Variants in SPAG17 observed in about 807,000 individuals in gnomAD.
SPAG17 encodes the protein sperm associated antigen 17, also known as sperm-associated antigen 17.
A neutral mutation model predicts 273.6 loss-of-function variants in SPAG17; 169 were observed. The observed-to-expected ratio is 0.62, with a 90% CI of 0.55 to 0.70. The LOEUF (loss-of-function observed/expected upper bound fraction) is 0.70. Among genes scored for constraint, SPAG17 ranks in the 30% least tolerant of loss-of-function variants. The probability of loss-of-function intolerance (pLI) is 0.00; values close to 1 mark genes in which losing one functional copy is unlikely to be tolerated. For missense variants in SPAG17, 2,557 were observed against 2,627.8 expected, an observed-to-expected ratio of 0.97 and a Z score of 0.59; for synonymous variants, 825 against 873.2, an observed-to-expected ratio of 0.94 and a Z score of 0.97.
intron 8 of SPAG17, 78 bp from the exon 9 acceptor site, chr1:118,092,080 G>A: frequency 2.7e-6 from 3 of 1,124,460 alleles, no homozygotes; most frequent in Non-Finnish European, 4.1e-6. Context: ...GGTATGATGA[G>A]ATCCAACAGG....
intron 28 of SPAG17, among the ~76,000 whole-genome samples, chr1:118,016,454 T>C (rs1057407312): frequency 6.6e-6 from 1 of 152,138 alleles, no homozygotes; most frequent in Non-Finnish European, 1.5e-5. Flanking sequence ...GCACAAAAAA[T>C]ATTCTGGTCA....
rs112285353 is a variant in SPAG17 at position 118,072,424 on chromosome 1, G to A, written c.2385+1430C>T. On this transcript the variant is annotated intron_variant, in intron 17 of 48. Transcript: ENST00000336338. ...AGGGAATGGGTGTGGCCCGGATGAC[G>A]GTAAAGGGAGGCCCAGGACCACAGC... 6.7e-3 allele frequency among the ~76,000 whole-genome samples: 1,013 copies of A among 152,226 alleles called. 10 individuals carry two copies. The highest frequency in any genetic ancestry group is 0.016 in the African/African-American group (663 of 41,530).
rs1356294277 is a variant in SPAG17 at position 118,093,230 on chromosome 1, C to T, written c.1099G>A (p.Glu367Lys). ...DWKRQHQHYL[E>K]SMQLINVPQV... ...GGAACATTAATAAGCTGCATGCTTT[C>T]CAAATAGTGCTGGTGCTGCCTTTTC... The change falls in exon 8 of 49, where the codon GAA (glutamate) becomes AAA (lysine). Residue 367 changes from glutamate to lysine, a missense_variant. Coordinates refer to ENST00000336338, the MANE Select transcript of SPAG17 (RefSeq NM_206996.4). 1 of 1,613,772 alleles carries T rather than the reference C, an allele frequency of 6.2e-7. No homozygotes were observed. Among genetic ancestry groups the T allele is most frequent in the Non-Finnish European group, 8.5e-7 (1 of 1,179,824 alleles).
intron 28 of SPAG17, among the ~76,000 whole-genome samples, chr1:118,016,954 G>A (rs900894376): frequency 6.6e-6 from 1 of 152,114 alleles, no homozygotes; most frequent in Non-Finnish European, 1.5e-5. Flanking sequence ...TCAATGATGA[G>A]GTAAACTCAG....
chr1:118,140,619 C>G (rs894283088), intron 3 of SPAG17, among the ~76,000 whole-genome samples: 1 of 152,140 alleles, frequency 6.6e-6, no homozygotes. Flanking sequence ...ACAAGGGCAC[C>G]GATCTGCCAA....
At chr1:117,995,062 C>T (rs1054143011) in intron 34 of SPAG17, among the ~76,000 whole-genome samples, 2 of 152,108 alleles carry the variant, frequency 1.3e-5, no homozygotes, top group South Asian at 2.1e-4. Flanking sequence ...TACTATTCTT[C>T]CCCTCTGTGC....
intron 32 of SPAG17, among the ~76,000 whole-genome samples, chr1:118,000,648 C>T (rs973457014): frequency 1.3e-5 from 2 of 152,146 alleles, no homozygotes; most frequent in Non-Finnish European, 2.9e-5. Context: ...TATAGGAATG[C>T]TTGTGATTTT....
chr1:118,009,211 TGAC>T (rs1659215372), intron 30 of SPAG17, among the ~76,000 whole-genome samples: 1 of 150,070 alleles, frequency 6.7e-6, no homozygotes, highest in African/African-American at 2.5e-5. Context: ...TATTGTATAA[TGAC>T]GATTTTCCAA....
intron 1 of SPAG17, among the ~76,000 whole-genome samples, chr1:118,179,139 C>T (rs1272543892): frequency 6.6e-6 from 1 of 151,818 alleles, no homozygotes; most frequent in African/African-American, 2.4e-5. Flanking sequence ...CCCAGGAGAA[C>T]CAAAGGATTC....
At chr1:118,154,774 T>C (rs1439388455) in intron 1 of SPAG17, among the ~76,000 whole-genome samples, 1 of 152,100 alleles carries the variant, frequency 6.6e-6, no homozygotes. Context: ...TAGACCATTG[T>C]GGGCAAATGA....
intron 4 of SPAG17, among the ~76,000 whole-genome samples, chr1:118,110,570 T>A (rs1656697393): frequency 6.6e-6 from 1 of 152,178 alleles, no homozygotes; most frequent in South Asian, 2.1e-4. Context: ...ACTGAGCCAT[T>A]TCTGCGTGGG....
chr1:117,968,192 A>G (rs1654092142), intron 46 of SPAG17, among the ~76,000 whole-genome samples: 1 of 152,220 alleles, frequency 6.6e-6, no homozygotes, highest in South Asian at 2.1e-4. Context: ...GGAAGTCTAC[A>G]GATTATATTT....
chr1:118,050,466 G>C (rs1311592625), intron 20 of SPAG17, among the ~76,000 whole-genome samples: 1 of 152,058 alleles, frequency 6.6e-6, no homozygotes, highest in Non-Finnish European at 1.5e-5. Flanking sequence ...TTCACCACTG[G>C]TAACAGTATC....
intron 15 of SPAG17, among the ~76,000 whole-genome samples, chr1:118,077,138 C>A (rs1038164565): frequency 2.0e-4 from 31 of 152,014 alleles, no homozygotes; most frequent in African/African-American, 7.5e-4. Flanking sequence ...TGATTTTTGC[C>A]TTGTTTAAAG....
chr1:118,039,480 T>C (rs749744905), intron 22 of SPAG17, 36 bp from the exon 23 acceptor site: 1 of 1,606,252 alleles, frequency 6.2e-7, no homozygotes, highest in African/African-American at 1.3e-5. Flanking sequence ...ATGGGCTGAT[T>C]AGGATGCCAC....
intron 3 of SPAG17, among the ~76,000 whole-genome samples, chr1:118,130,226 T>C (rs753575537): frequency 8.5e-5 from 13 of 152,146 alleles, no homozygotes; most frequent in Non-Finnish European, 1.6e-4. Flanking sequence ...TAGTTTCCCA[T>C]AGGACAGTTT....
chr1:117,992,698 C>T (rs1489120627), intron 35 of SPAG17, 50 bp from the exon 36 acceptor site: 2 of 1,419,720 alleles, frequency 1.4e-6, no homozygotes. Context: ...AGAATGTTTT[C>T]ACATTCAAAT....
intron 1 of SPAG17, among the ~76,000 whole-genome samples, chr1:118,182,548 T>C (rs979858648): frequency 2.6e-5 from 4 of 152,228 alleles, no homozygotes; most frequent in African/African-American, 7.2e-5. Context: ...TAATTTGAGA[T>C]GTGATATTTC....
chr1:118,151,099 T>C (rs1053631867), intron 2 of SPAG17, 130 bp downstream of exon 2: 6 of 720,794 alleles, frequency 8.3e-6, no homozygotes, highest in Middle Eastern at 4.4e-4. Context: ...TCTGGCTAAA[T>C]AGTTACTTAA....
Sources: gnomAD v4.1 joint callset for allele counts (sites outside exome capture counted in the v4.1 genomes callset) on GRCh38, gnomAD v4.1.1 for gene constraint, MANE v1.5 for transcripts, NCBI Gene and HGNC (gene_info 2026-07-23, HGNC 2026-07-21) for gene names.